PRKG1: variants seen among roughly 807,000 people sequenced by gnomAD.
PRKG1 encodes the protein protein kinase cGMP-dependent 1, also known as cGMP-dependent protein kinase 1.
Under a neutral mutation model 88.1 loss-of-function variants are expected in PRKG1, and 35 were observed. The ratio of observed to expected loss-of-function variants is 0.40; its 90% confidence interval spans 0.30 to 0.53. The LOEUF (loss-of-function observed/expected upper bound fraction) is 0.53. Ranked by LOEUF, PRKG1 falls within the 20% of genes least tolerant of loss-of-function variation. The pLI is 0.59. For synonymous variants in PRKG1, 303 were observed against 292.5 expected, an observed-to-expected ratio of 1.04 and a Z score of -0.37; for missense variants, 540 against 839.8, an observed-to-expected ratio of 0.64 and a Z score of 4.41.
At chr10:51,094,605 G>C (rs984272085) in intron 1 of PRKG1, among the ~76,000 whole-genome samples, 1 of 151,634 alleles carries the variant, frequency 6.6e-6, no homozygotes, top group East Asian at 1.9e-4. Context: ...AATGGATTCT[G>C]TAACATCCAC....
At chr10:51,161,678 C>T (rs1029946954) in intron 2 of PRKG1, among the ~76,000 whole-genome samples, 1 of 152,114 alleles carries the variant, frequency 6.6e-6, no homozygotes, top group Non-Finnish European at 1.5e-5. Flanking sequence ...AAAAGGTACA[C>T]ATTTTTCCCA....
chr10:51,054,041 A>G (rs1348852943), intron 1 of PRKG1, among the ~76,000 whole-genome samples: 1 of 152,136 alleles, frequency 6.6e-6, no homozygotes, highest in Non-Finnish European at 1.5e-5. Context: ...CCTTTACATT[A>G]AAATGTTTCC....
At chr10:52,035,640 G>A (rs1355428015) in intron 5 of PRKG1, among the ~76,000 whole-genome samples, 1 of 152,140 alleles carries the variant, frequency 6.6e-6, no homozygotes, top group African/African-American at 2.4e-5. Flanking sequence ...AACGTGGGAG[G>A]CCGGATTGAA....
At chr10:51,237,078 T>A (rs982679031) in intron 2 of PRKG1, among the ~76,000 whole-genome samples, 1 of 152,246 alleles carries the variant, frequency 6.6e-6, no homozygotes, top group Non-Finnish European at 1.5e-5. Context: ...GGACTGCACC[T>A]GCTCAGATAA....
intron 4 of PRKG1, among the ~76,000 whole-genome samples, chr10:51,869,334 C>A (rs1841097559): frequency 6.6e-6 from 1 of 151,916 alleles, no homozygotes; most frequent in African/African-American, 2.4e-5. Context: ...TTATCATAGA[C>A]AAGAATTTTG....
chr10:52,033,132 C>G (rs1195100598), intron 5 of PRKG1, among the ~76,000 whole-genome samples: 12 of 152,084 alleles, frequency 7.9e-5, no homozygotes, highest in Admixed American at 5.9e-4. Context: ...TATATGAGCC[C>G]AAATGCCACC....
At chr10:51,996,796 G>A (rs1844454602) in intron 5 of PRKG1, among the ~76,000 whole-genome samples, 1 of 152,078 alleles carries the variant, frequency 6.6e-6, no homozygotes, top group East Asian at 1.9e-4. Context: ...TATATCCAAA[G>A]GAAACGAAAT....
In PRKG1 at chr10:50,995,531, A is replaced by G. The variant is rs58116870; in HGVS notation, c.266+3887A>G. 1.8e-3 allele frequency among the ~76,000 whole-genome samples: 273 copies of G among 152,330 alleles called. 1 individual carries two copies. Among genetic ancestry groups the G allele is most frequent in the African/African-American group, 6.4e-3 (266 of 41,582 alleles). ...TTTTGGATGATGGTGATGATATTTT[A>G]CATTTATATTTTAAATACTGTTTTT... On this transcript the variant is annotated intron_variant, in intron 1 of 17. Coordinates refer to the PRKG1 transcript ENST00000401604.
At chr10:51,740,782 C>T (rs958412555) in intron 3 of PRKG1, among the ~76,000 whole-genome samples, 36 of 152,120 alleles carry the variant, frequency 2.4e-4, no homozygotes, top group Admixed American at 7.2e-4. Flanking sequence ...TAATATTTTT[C>T]AGAATCAAGA....
Position 51,153,195 on chromosome 10 carries a change from G to T in PRKG1, c.343G>T (p.Asp115Tyr). 6.2e-7 allele frequency: 1 copy of T among 1,612,304 alleles called. No individual in the cohort carries two copies. The highest frequency in any genetic ancestry group is 1.1e-5 in the South Asian group (1 of 91,022). Residue 115 changes from aspartate to tyrosine, a missense_variant, in exon 2 of 18, where the codon GAC becomes TAC. Coordinates refer to ENST00000373980, the MANE Select transcript of PRKG1 (RefSeq NM_006258.4). ...GGATCTTATAAAGGAAGCTATCCTT[G>T]ACAATGACTTTATGAAGAACTTGGA... is the stretch of plus-strand genomic sequence containing the variant. ...SKDLIKEAIL[D>Y]NDFMKNLELS...
chr10:51,043,187 C>A (rs535035458), intron 1 of PRKG1, among the ~76,000 whole-genome samples: 1 of 152,206 alleles, frequency 6.6e-6, no homozygotes, highest in Admixed American at 6.5e-5. Flanking sequence ...TACTGTCTTA[C>A]GGGGAGGGCA....
intron 5 of PRKG1, among the ~76,000 whole-genome samples, chr10:52,034,283 T>A (rs10733893): frequency 1.4e-5 from 2 of 141,840 alleles, no homozygotes; most frequent in African/African-American, 5.4e-5. Flanking sequence ...AATTTTTGGG[T>A]GGTGGTATGG....
intron 2 of PRKG1, among the ~76,000 whole-genome samples, chr10:51,177,312 G>A (rs1837220797): frequency 6.6e-6 from 1 of 152,140 alleles, no homozygotes; most frequent in Admixed American, 6.5e-5. Flanking sequence ...TGAATTTAAA[G>A]TGAAAATAAG....
chr10:51,067,210 A>G (rs1843761524), intron 1 of PRKG1, among the ~76,000 whole-genome samples: 1 of 151,386 alleles, frequency 6.6e-6, no homozygotes. Context: ...ATGTTAAGCC[A>G]TGGCATATGT....
intron 3 of PRKG1, among the ~76,000 whole-genome samples, chr10:51,529,720 G>A (rs1841970590): frequency 6.6e-6 from 1 of 151,884 alleles, no homozygotes; most frequent in East Asian, 1.9e-4. Context: ...TTTCTTCAGA[G>A]CAGTATCACT....
chr10:51,733,418 G>C (rs995021313), intron 3 of PRKG1, among the ~76,000 whole-genome samples: 32 of 152,228 alleles, frequency 2.1e-4, no homozygotes, highest in African/African-American at 7.5e-4. Flanking sequence ...ACTATTAGTT[G>C]CACCAACTAA....
upstream of PRKG1, chr10:51,074,451 C>G (rs913128000): frequency 1.6e-4 from 233 of 1,457,070 alleles, no homozygotes; most frequent in Middle Eastern, 5.1e-4. Context: ...GCTCAGAAGC[C>G]AGGGCTGGCT....
rs1315641928 is a variant in PRKG1, at chr10:52,206,765, C to T, written c.1076+44802C>T. On this transcript the variant is annotated intron_variant, in intron 9 of 17. Coordinates refer to ENST00000373980, the MANE Select transcript of PRKG1 (RefSeq NM_006258.4). ...GGGCCCCAGTTCTATCCTGTCTCCCCTGGAGGTTAGGAACCTGCTGCACTG... is the reference window on the plus strand; with the variant it reads ...GGGCCCCAGTTCTATCCTGTCTCCCTTGGAGGTTAGGAACCTGCTGCACTG... 2.0e-5 allele frequency among the ~76,000 whole-genome samples: 3 copies of T among 152,190 alleles called. No individual in the cohort carries two copies. In the East Asian group the frequency reaches 5.8e-4, roughly 29 times the overall value.
At chr10:52,004,502 G>A (rs756772304) in intron 5 of PRKG1, among the ~76,000 whole-genome samples, 3 of 152,118 alleles carry the variant, frequency 2.0e-5, no homozygotes, top group Admixed American at 6.6e-5. Context: ...AGCCCATCTA[G>A]ACAAAAGATC....
Sources: gnomAD v4.1 joint callset for allele counts (sites outside exome capture counted in the v4.1 genomes callset) on GRCh38, gnomAD v4.1.1 for gene constraint, MANE v1.5 for transcripts, NCBI Gene and HGNC (gene_info 2026-07-23, HGNC 2026-07-21) for gene names.